Variants in EBF1 observed in about 807,000 individuals in gnomAD.
EBF1 encodes the protein transcription factor COE1.
EBF1 carries 10 observed loss-of-function variants against 68.4 expected under a neutral mutation model. That is an observed-to-expected ratio of 0.15 (90% CI 0.09 to 0.25). The LOEUF is 0.25. Ranked by LOEUF, EBF1 falls within the 10% of genes least tolerant of loss-of-function variation. The pLI is 1.00. For synonymous variants in EBF1, 298 were observed against 299.8 expected (o/e 0.99, Z 0.06); for missense variants, 509 against 794.4 (o/e 0.64, Z 4.32).
At chr5:158,834,477 G>A (rs995682698) in intron 7 of EBF1, among the ~76,000 whole-genome samples, 1 of 151,336 alleles carries the variant, frequency 6.6e-6, no homozygotes, top group African/African-American at 2.4e-5. Context: ...TACAGCCTAG[G>A]GATTTCAAAA....
intron 6 of EBF1, among the ~76,000 whole-genome samples, chr5:158,905,638 A>G (rs1408916742): frequency 6.6e-6 from 1 of 152,228 alleles, no homozygotes; most frequent in Non-Finnish European, 1.5e-5. Flanking sequence ...TTCATGAAGT[A>G]TGTAATTCAG....
chr5:159,047,652 TTCCCCTTTGTGTAAAAAGAC>T (rs1772690876), intron 6 of EBF1, among the ~76,000 whole-genome samples: 1 of 152,168 alleles, frequency 6.6e-6, no homozygotes, highest in Non-Finnish European at 1.5e-5. Flanking sequence ...GAATTTTATG[TTCCCCTTTGTGTAAAAAGAC>T]TCCCTACAAA....
At chr5:158,699,428 G>T (rs916852841) in intron 15 of EBF1, among the ~76,000 whole-genome samples, 1 of 151,300 alleles carries the variant, frequency 6.6e-6, no homozygotes, top group Non-Finnish European at 1.5e-5. Flanking sequence ...CTGGAAAGTT[G>T]CATAGTTTGA....
chr5:158,700,640 AGATTC>A (rs200268129), intron 15 of EBF1, among the ~76,000 whole-genome samples: 1,624 of 59,232 alleles, frequency 0.027, 28 homozygotes, highest in African/African-American at 0.098. Context: ...CTGGTATTTT[AGATTC>A]AATTAAAATG....
At chr5:158,976,283 G>C (rs957896065) in intron 6 of EBF1, among the ~76,000 whole-genome samples, 1 of 152,098 alleles carries the variant, frequency 6.6e-6, no homozygotes, top group Non-Finnish European at 1.5e-5. Flanking sequence ...AATGGTAATG[G>C]GACTTAAACC....
intron 6 of EBF1, 101 bp from the exon 7 acceptor site, chr5:158,840,211 A>G (rs1187797066): frequency 2.4e-6 from 2 of 838,500 alleles, no homozygotes; most frequent in East Asian, 5.1e-5. Context: ...TTCTCTTTAC[A>G]TGTTTTCTGA....
intron 6 of EBF1, among the ~76,000 whole-genome samples, chr5:158,938,397 A>T (rs973999083): frequency 6.6e-6 from 1 of 152,150 alleles, no homozygotes; most frequent in Non-Finnish European, 1.5e-5. Context: ...CAAACAAGCT[A>T]TGTTCCCTTC....
At chr5:158,760,302 C>A (rs894800226) in intron 10 of EBF1, among the ~76,000 whole-genome samples, 1 of 152,222 alleles carries the variant, frequency 6.6e-6, no homozygotes, top group East Asian at 1.9e-4. Context: ...CATGGCCCAA[C>A]GTGGCATAAG....
chr5:159,046,005 C>T (rs1772317623), intron 6 of EBF1, among the ~76,000 whole-genome samples: 1 of 152,182 alleles, frequency 6.6e-6, no homozygotes, highest in Non-Finnish European at 1.5e-5. Context: ...ATGACCAAGA[C>T]TTCATTATCT....
At chr5:158,751,709 A>T (rs912501063) in intron 10 of EBF1, among the ~76,000 whole-genome samples, 4 of 152,116 alleles carry the variant, frequency 2.6e-5, no homozygotes, top group Non-Finnish European at 4.4e-5. Context: ...AATGGGCTAA[A>T]TATTTGTAAA....
intron 6 of EBF1, among the ~76,000 whole-genome samples, chr5:159,068,094 A>C (rs1446761432): frequency 6.6e-6 from 1 of 152,144 alleles, no homozygotes; most frequent in Non-Finnish European, 1.5e-5. Flanking sequence ...CCTTCTAAAA[A>C]CTGGATGAAG....
At chr5:158,981,510 A>G (rs960451603) in intron 6 of EBF1, among the ~76,000 whole-genome samples, 1 of 152,196 alleles carries the variant, frequency 6.6e-6, no homozygotes, top group Non-Finnish European at 1.5e-5. Flanking sequence ...CTAATAAACA[A>G]ACACATAAAT....
At chr5:158,911,390 G>A (rs564017642) in intron 6 of EBF1, among the ~76,000 whole-genome samples, 4 of 152,160 alleles carry the variant, frequency 2.6e-5, no homozygotes, top group Non-Finnish European at 5.9e-5. Flanking sequence ...TAACCAGCCT[G>A]GCTGGTTACA....
chr5:158,838,786 G>A (rs995916038), intron 7 of EBF1, among the ~76,000 whole-genome samples: 3 of 152,154 alleles, frequency 2.0e-5, no homozygotes, highest in South Asian at 4.1e-4. Flanking sequence ...ATATACTTAA[G>A]AGCATACTTT....
chr5:158,963,157 A>T (rs4921445), intron 6 of EBF1, among the ~76,000 whole-genome samples: 7 of 152,084 alleles, frequency 4.6e-5, no homozygotes, highest in Non-Finnish European at 1.0e-4. Context: ...AATGAATGAT[A>T]TTCACTAAAG....
chr5:158,828,430 GAGA>G (rs1786700825), intron 7 of EBF1, among the ~76,000 whole-genome samples: 2 of 152,190 alleles, frequency 1.3e-5, no homozygotes, highest in Admixed American at 1.3e-4. Flanking sequence ...TGGACACACA[GAGA>G]AGGTGAGTAT....
At chr5:159,082,693 G>A (rs566362348) in intron 5 of EBF1, among the ~76,000 whole-genome samples, 40 of 152,302 alleles carry the variant, frequency 2.6e-4, no homozygotes, top group Admixed American at 1.6e-3. Flanking sequence ...ATAGGGTCAT[G>A]GCAGCCTGGT....
At chr5:158,708,321 T>A (rs1224397383) in intron 14 of EBF1, 148 bp from the exon 15 acceptor site, 2 of 744,520 alleles carry the variant, frequency 2.7e-6, no homozygotes, top group Non-Finnish European at 4.3e-6. Context: ...TCGCAGGCTC[T>A]CATCCACTTT....
intron 6 of EBF1, among the ~76,000 whole-genome samples, chr5:159,042,460 T>G (rs1476457550): frequency 6.6e-6 from 1 of 152,178 alleles, no homozygotes; most frequent in East Asian, 1.9e-4. Context: ...CAGTGTTTAT[T>G]TACCTAAAAC....
Sources: allele counts gnomAD v4.1 joint callset (sites outside exome capture counted in the v4.1 genomes callset), GRCh38; gene constraint gnomAD v4.1.1; transcripts MANE v1.5; gene names NCBI Gene and HGNC (gene_info 2026-07-23, HGNC 2026-07-21).